E2F8: variants seen among roughly 807,000 people sequenced by gnomAD.
E2F8 encodes E2F transcription factor 8, also known as transcription factor E2F8.
E2F8 carries 35 observed loss-of-function variants against 80.8 expected under a neutral mutation model. The observed-to-expected ratio is 0.43, with a 90% CI of 0.33 to 0.57. The LOEUF (loss-of-function observed/expected upper bound fraction) is 0.57, where lower values mean the gene tolerates loss of function less well. Among genes scored for constraint, E2F8 ranks in the 20% least tolerant of loss-of-function variants. E2F8 has a pLI of 0.04. For synonymous variants in E2F8, 386 were observed against 395.0 expected (o/e 0.98, Z 0.27); for missense variants, 975 against 1,056.2 (o/e 0.92, Z 1.07).
rs751161237 is a variant in E2F8 at position 19,237,485 on chromosome 11, G to A, written c.295-15C>T. The A allele has an allele frequency of 1.9e-6, 3 of 1,609,250 alleles. No individual in the cohort carries two copies. In the African/African-American group the frequency reaches 4.0e-5, roughly 22 times the overall value. ...GATAAGTGTTCCTACAAAGGAAAAG[G>A]TAAACAATGTCTTATTCTAAAATAA... On this transcript the variant is annotated splice_polypyrimidine_tract_variant and intron_variant, in intron 3 of 12. Transcript: ENST00000250024.
At chr11:19,234,571 T>C (rs1408963655) in intron 5 of E2F8, 50 bp from the exon 6 acceptor site, 1 of 1,598,896 alleles carries the variant, frequency 6.3e-7, no homozygotes, top group Non-Finnish European at 8.5e-7. Flanking sequence ...AAGGGACAAG[T>C]GACTTCTAAA....
rs766192206 is a variant in E2F8, at chr11:19,237,910, T to C, written c.238A>G (p.Lys80Glu). 1 of 1,614,132 alleles carries C rather than the reference T, an allele frequency of 6.2e-7. No individual in the cohort carries two copies. Among genetic ancestry groups the C allele is most frequent in the East Asian group, 2.2e-5 (1 of 44,876 alleles). The change falls in exon 3 of 13, where the codon AAA becomes GAA. Residue 80 changes from lysine to glutamate, a missense_variant. Coordinates refer to ENST00000250024, the MANE Select transcript of E2F8 (RefSeq NM_024680.4). Reference sequence around the variant, plus strand: ...CTTCTGTTGTCAAACAAACCCCTTTTCTGATCTCTGTTGCGGATCTCAGGG... The same window carrying C: ...CTTCTGTTGTCAAACAAACCCCTTTCCTGATCTCTGTTGCGGATCTCAGGG... ...VSPEIRNRDQKRGLFDNRSGL... is the reference protein window; with the variant it reads ...VSPEIRNRDQERGLFDNRSGL...
intron 6 of E2F8, among the ~76,000 whole-genome samples, 155 bp downstream of exon 6, chr11:19,234,205 T>C (rs1851454137): frequency 6.9e-6 from 1 of 144,414 alleles, no homozygotes; most frequent in South Asian, 2.2e-4. Context: ...GTTAGCTAAA[T>C]CAATATTATC....
At chr11:19,231,441 C>T (rs1851378161) in intron 7 of E2F8, among the ~76,000 whole-genome samples, 1 of 152,202 alleles carries the variant, frequency 6.6e-6, no homozygotes, top group African/African-American at 2.4e-5. Flanking sequence ...GAAAACTAAT[C>T]CTCGAAGAAG....
chr11:19,233,720 C>T (rs988200161), intron 6 of E2F8, among the ~76,000 whole-genome samples: 1 of 152,066 alleles, frequency 6.6e-6, no homozygotes, highest in South Asian at 2.1e-4. Flanking sequence ...GATCTCCTGA[C>T]CTCATGATCC....
intron 6 of E2F8, 106 bp from the exon 7 acceptor site, chr11:19,232,477 T>C (rs760357371): frequency 2.2e-5 from 20 of 894,146 alleles, no homozygotes; most frequent in Non-Finnish European, 3.3e-5. Context: ...TAACCATCAA[T>C]GTCAGACAGA....
Position 19,237,465 on chromosome 11 carries a change from G to C in E2F8, c.300C>G (p.His100Gln). ...ATTTCTCAAATTCATCTCCAGATAA[G>C]TGTTCCTACAAAGGAAAAGGTAAAC... ...LPEAKDCIHE[H>Q]LSGDEFEKSQ... The change falls in exon 4 of 13, where the codon CAC becomes CAG. Residue 100 changes from histidine (H) to glutamine (Q), a missense_variant. By Grantham distance (24) the His-to-Gln change is conservative. Transcript: ENST00000250024. 6.2e-7 allele frequency: 1 copy of C among 1,612,656 alleles called. No homozygotes were observed. The highest frequency in any genetic ancestry group is 8.5e-7 in the Non-Finnish European group (1 of 1,179,592).
chr11:19,227,974 A>G (rs923342759), intron 10 of E2F8, among the ~76,000 whole-genome samples: 2 of 152,208 alleles, frequency 1.3e-5, no homozygotes, highest in African/African-American at 4.8e-5. Flanking sequence ...AGTCTAAGTT[A>G]CTTGGGAGAC....
rs746421452 is a variant in E2F8 at position 19,232,238 on chromosome 11, G to A, written c.1062C>T (p.Thr354=). Residue 354 remains threonine (T), a synonymous_variant, in exon 7 of 13, where the codon ACC becomes ACT. Coordinates refer to ENST00000250024, the MANE Select transcript of E2F8 (RefSeq NM_024680.4). ...KWTGPEISPN[T]SGSSPVIHFT... is the part of the protein sequence containing the mutation. ...GTGAAAGAAAAAAATACATACCACTGGTATTTGGACTGATTTCTGGGCCGG... is the reference window on the plus strand; with the variant it reads ...GTGAAAGAAAAAAATACATACCACTAGTATTTGGACTGATTTCTGGGCCGG... The A allele has an allele frequency of 2.4e-5, 39 of 1,612,550 alleles. No individual in the cohort carries two copies. Among genetic ancestry groups the A allele is most frequent in the Non-Finnish European group, 2.9e-5 (34 of 1,179,626 alleles).
Position 19,225,526 on chromosome 11 carries a change from A to G in E2F8, c.2116T>C (p.Ser706Pro), listed in dbSNP as rs1431233683. ...TPLKLMVSPTSVAAVPVGNSP... is the reference protein window; with the variant it reads ...TPLKLMVSPTPVAAVPVGNSP... ...TTCCCGACAGGTACGGCTGCCACGGAAGTTGGTGAGACCATTAGCTTCAAC... is the reference window on the plus strand; with the variant it reads ...TTCCCGACAGGTACGGCTGCCACGGGAGTTGGTGAGACCATTAGCTTCAAC... Residue 706 changes from serine (S) to proline (P), a missense_variant, in exon 12 of 13, where the codon TCC becomes CCC. Coordinates refer to ENST00000250024, the MANE Select transcript of E2F8 (RefSeq NM_024680.4). 1 of 1,614,236 alleles carries G rather than the reference A, an allele frequency of 6.2e-7. No individual in the cohort carries two copies. Among genetic ancestry groups the G allele is most frequent in the Admixed American group, 1.7e-5 (1 of 60,034 alleles).
intron 2 of E2F8, 112 bp from the exon 3 acceptor site, chr11:19,238,244 AT>A: frequency 9.1e-7 from 1 of 1,099,998 alleles, no homozygotes; most frequent in South Asian, 1.6e-5. Context: ...AAAATGTCTA[AT>A]GAGATTGTAG....
intron 4 of E2F8, 56 bp downstream of exon 4, chr11:19,237,258 A>C: frequency 4.5e-6 from 7 of 1,561,986 alleles, no homozygotes; most frequent in Non-Finnish European, 6.2e-6. Context: ...GAAGGAGTTA[A>C]GTCCATAAAG....
At chr11:19,226,814 C>T (rs1157808613) in intron 10 of E2F8, among the ~76,000 whole-genome samples, 1 of 152,156 alleles carries the variant, frequency 6.6e-6, no homozygotes, top group African/African-American at 2.4e-5. Flanking sequence ...CTAATGATAA[C>T]AAGCAGTCTT....
At chr11:19,225,174 G>A in intron 12 of E2F8, 47 bp downstream of exon 12, 1 of 1,580,362 alleles carries the variant, frequency 6.3e-7, no homozygotes, top group Non-Finnish European at 8.6e-7. Context: ...AGATACTTGG[G>A]GCTTAGTAAT....
chr11:19,240,237 G>A lies in E2F8; in HGVS notation c.-109-7C>T. ...TACTAAAAGTTTTAATATCCTTAAA[G>A]AAAAAAGGAAATAGAAAAAGTTAGA... is the stretch of plus-strand genomic sequence containing the variant. On this transcript the variant is annotated splice_polypyrimidine_tract_variant and splice_region_variant and intron_variant, in intron 1 of 12. Transcript: ENST00000250024. The A allele has an allele frequency of 3.5e-6, 2 of 573,236 alleles. No individual in the cohort carries two copies. The highest frequency in any genetic ancestry group is 5.7e-6 in the Non-Finnish European group (2 of 352,508). The allele number at this position is 573,236 out of a possible 1,614,324, so 35.5% of individuals were successfully genotyped here.
intron 7 of E2F8, 143 bp downstream of exon 7, chr11:19,232,091 A>T: frequency 8.4e-7 from 1 of 1,194,008 alleles, no homozygotes; most frequent in Non-Finnish European, 1.2e-6. Context: ...AAAATCAAAC[A>T]CTGCATGTTC....
In E2F8 at chr11:19,229,480, G is replaced by A. The variant is rs370308435; in HGVS notation, c.1867C>T (p.Leu623=). The part of the protein sequence containing the change: ...SGSKKKFKED[L]KGLENVSATL... ...GCGGAGACATTTTCAAGTCCTTTTA[G>A]GTCCTCTTTAAATTTCTTTTTGGAA... Residue 623 remains leucine, a synonymous_variant, in exon 10 of 13, where the codon CTA becomes TTA. Coordinates refer to ENST00000250024, the MANE Select transcript of E2F8 (RefSeq NM_024680.4). This position sits in a 1 kb window ranked among gnomAD's most constrained non-coding sequence, Gnocchi z 4.3. 2.3e-5 allele frequency: 37 copies of A among 1,613,822 alleles called. No individual in the cohort carries two copies. The highest frequency in any genetic ancestry group is 3.1e-5 in the Non-Finnish European group (37 of 1,179,964).
In E2F8 at chr11:19,224,658, T is replaced by C. The variant is rs1482318508; in HGVS notation, c.2604A>G (p.Ter868=). The change falls in exon 13 of 13, where the codon TAA becomes TAG. Residue 868 remains the stop codon, a stop_retained_variant. Coordinates refer to ENST00000250024, the MANE Select transcript of E2F8 (RefSeq NM_024680.4). ...KLEVSTEDVH[*] ...ATTAAACTAAGCCAACATCTGTTGA[T>C]TAATGGACATCCTCTGTTGAGACTT... 1.9e-6 allele frequency: 3 copies of C among 1,613,584 alleles called. No individual in the cohort carries two copies. The highest frequency in any genetic ancestry group is 2.5e-6 in the Non-Finnish European group (3 of 1,179,646).
intron 6 of E2F8, among the ~76,000 whole-genome samples, chr11:19,233,578 C>A (rs1269592912): frequency 2.0e-5 from 3 of 152,022 alleles, no homozygotes; most frequent in African/African-American, 7.2e-5. Context: ...AGCGCCGCCT[C>A]CCAGGTTCAC....
Sources: allele counts gnomAD v4.1 joint callset (sites outside exome capture counted in the v4.1 genomes callset), GRCh38; gene constraint gnomAD v4.1.1; non-coding constraint Gnocchi (gnomAD v3.1); transcripts MANE v1.5; gene names NCBI Gene and HGNC (gene_info 2026-07-23, HGNC 2026-07-21).